CLPP: variants seen among roughly 807,000 people sequenced by gnomAD.
The protein encoded by CLPP is caseinolytic mitochondrial matrix peptidase proteolytic subunit.
A neutral mutation model predicts 27.4 loss-of-function variants in CLPP; 14 were observed. The observed-to-expected ratio is 0.51, with a 90% CI of 0.34 to 0.80. The LOEUF is 0.80. Ranked by LOEUF, CLPP falls within the 30% of genes least tolerant of loss-of-function variation. The pLI is 0.02. For missense variants in CLPP, 361 were observed against 403.6 expected (o/e 0.89, Z 0.90); for synonymous variants, 193 against 166.6 (o/e 1.16, Z -1.22).
chr19:6,362,026 C>A, intron 2 of CLPP, 86 bp downstream of exon 2: 1 of 1,299,296 alleles, frequency 7.7e-7, no homozygotes, highest in Non-Finnish European at 1.1e-6. Context: ...TGGCCCCAGA[C>A]TTTCCCTCAG....
At position 6,362,484 on chromosome 19, in the gene CLPP, C is replaced by T. The variant is rs1456437657; in HGVS notation, c.309C>T (p.Leu103=). 3 of 1,614,086 alleles carry T rather than the reference C, an allele frequency of 1.9e-6. No individual in the cohort carries two copies. Among genetic ancestry groups the T allele is most frequent in the Non-Finnish European group, 1.7e-6 (2 of 1,179,998 alleles). Residue 103 remains leucine (L), a synonymous_variant, in exon 3 of 6, where the codon CTC becomes CTT. Coordinates refer to ENST00000245816, the MANE Select transcript of CLPP (RefSeq NM_006012.4). ...DSVASLVIAQ[L]LFLQSESNKK... ...TTGCCAGCCTTGTTATCGCACAGCTCCTCTTCCTGCAATCCGAGAGCAACA... is the reference window on the plus strand; with the variant it reads ...TTGCCAGCCTTGTTATCGCACAGCTTCTCTTCCTGCAATCCGAGAGCAACA...
chr19:6,367,583 G>C (rs78494599), intron 5 of CLPP, among the ~76,000 whole-genome samples: 17,255 of 151,938 alleles, frequency 0.11, 1,339 homozygotes, highest in East Asian at 0.39. Flanking sequence ...GGCCCAAGTG[G>C]GGTTTCAGGG....
intron 5 of CLPP, 66 bp from the exon 6 acceptor site, chr19:6,368,472 G>A (rs1393114008): frequency 6.5e-7 from 1 of 1,550,318 alleles, no homozygotes. Context: ...GCCAAAACAG[G>A]ACCCAGACCT....
At position 6,369,140 on chromosome 19, in the gene CLPP, A is replaced by G. The variant is rs917575147; in HGVS notation, c.*430A>G. ...AGACAGTTACTAAAAAAAACAAAAC[A>G]GGCCAGGCGCGCTGGCTCACGCCTG... On this transcript the variant is annotated 3_prime_UTR_variant, in exon 6 of 6. Coordinates refer to ENST00000245816, the MANE Select transcript of CLPP (RefSeq NM_006012.4). Among the ~76,000 whole-genome samples the G allele has an allele frequency of 4.6e-5, 7 of 152,138 alleles. No individual in the cohort carries two copies. The highest frequency in any genetic ancestry group is 1.7e-4 in the African/African-American group (7 of 41,444).
intron 3 of CLPP, 103 bp from the exon 4 acceptor site, chr19:6,364,349 G>GA: frequency 9.3e-7 from 1 of 1,077,608 alleles, no homozygotes; most frequent in South Asian, 1.5e-5. Flanking sequence ...TTTAAAAAAG[G>GA]AGGGGGGCTG....
chr19:6,363,538 C>T (rs762353267), intron 3 of CLPP, among the ~76,000 whole-genome samples: 2 of 152,098 alleles, frequency 1.3e-5, no homozygotes, highest in Admixed American at 6.6e-5. Flanking sequence ...GCACCTGGGC[C>T]GTGTCACTTG....
At position 6,369,238 on chromosome 19, in the gene CLPP, T is replaced by C. The variant is rs973405158; in HGVS notation, c.*528T>C. On this transcript the variant is annotated 3_prime_UTR_variant, in exon 6 of 6. Transcript: ENST00000245816. ...GAGATCGAGAACATCCTGGCTAACATGGTGAAACCCCATTTCTACTAAAAA... is the reference window on the plus strand; with the variant it reads ...GAGATCGAGAACATCCTGGCTAACACGGTGAAACCCCATTTCTACTAAAAA... 3.3e-5 allele frequency among the ~76,000 whole-genome samples: 5 copies of C among 151,988 alleles called. No individual in the cohort carries two copies. The highest frequency in any genetic ancestry group is 5.9e-5 in the Non-Finnish European group (4 of 67,986).
Position 6,361,649 on chromosome 19 carries a change from C to T in CLPP, c.75C>T (p.Ala25=). 7.0e-7 allele frequency: 1 copy of T among 1,420,132 alleles called. No individual in the cohort carries two copies. Among genetic ancestry groups the T allele is most frequent in the Non-Finnish European group, 9.2e-7 (1 of 1,087,134 alleles). The allele number at this position is 1,420,132 out of a possible 1,614,324, so 88.0% of individuals were successfully genotyped here. Residue 25 remains alanine, a synonymous_variant, in exon 1 of 6, where the codon GCC becomes GCT. Transcript: ENST00000245816. ...ACCCCGCGCTGGGGCCTCGCCTCGC[C>T]GCTCACTTTCCAGCGCAGCGGCCGC... ...CRYPALGPRL[A]AHFPAQRPPQ... is the part of the protein sequence containing the mutation.
At position 6,369,248 on chromosome 19, in the gene CLPP, C is replaced by G. The variant is rs1033943607; in HGVS notation, c.*538C>G. 1.3e-4 allele frequency among the ~76,000 whole-genome samples: 20 copies of G among 152,056 alleles called. No homozygotes were observed. Among genetic ancestry groups the G allele is most frequent in the African/African-American group, 4.6e-4 (19 of 41,394 alleles). On this transcript the variant is annotated 3_prime_UTR_variant, in exon 6 of 6. Coordinates refer to ENST00000245816, the MANE Select transcript of CLPP (RefSeq NM_006012.4). ...ACATCCTGGCTAACATGGTGAAACC[C>G]CATTTCTACTAAAAATACAAAAATT... is the stretch of plus-strand genomic sequence containing the variant.
chr19:6,363,481 C>T (rs941789659), intron 3 of CLPP, among the ~76,000 whole-genome samples: 1 of 152,246 alleles, frequency 6.6e-6, no homozygotes, highest in East Asian at 1.9e-4. Context: ...ACTGGCACAT[C>T]TGGCAAGAGT....
At chr19:6,361,829 T>TGGGTGGGGATC in intron 1 of CLPP, 40 bp from the exon 2 acceptor site, 1 of 1,437,010 alleles carries the variant, frequency 7.0e-7, no homozygotes, top group Non-Finnish European at 9.0e-7. Flanking sequence ...GGGGATCGGC[T>TGGGTGGGGATC]GGCTGCCCCG....
intron 5 of CLPP, among the ~76,000 whole-genome samples, chr19:6,367,287 A>AT (rs1380089912): frequency 1.3e-5 from 2 of 151,058 alleles, no homozygotes; most frequent in Non-Finnish European, 2.9e-5. Flanking sequence ...AGGCATGAGA[A>AT]TCGCTTGAAC....
In CLPP at chr19:6,370,228, G is replaced by A. The variant is rs995773102; in HGVS notation, c.*1518G>A. On this transcript the variant is annotated 3_prime_UTR_variant, in exon 6 of 6. Transcript: ENST00000245816. Reference sequence around the variant, plus strand: ...AGGGTCAAGAGGTTGAAATAAAAACGTAGGTGTCATCGGCCGGGCGCGGTG... The same window carrying A: ...AGGGTCAAGAGGTTGAAATAAAAACATAGGTGTCATCGGCCGGGCGCGGTG... Among the ~76,000 whole-genome samples, 2 of 152,198 alleles carry A rather than the reference G, an allele frequency of 1.3e-5. No individual in the cohort carries two copies. Among genetic ancestry groups the A allele is most frequent in the African/African-American group, 4.8e-5 (2 of 41,454 alleles).
intron 3 of CLPP, among the ~76,000 whole-genome samples, chr19:6,362,777 G>T (rs1395308550): frequency 6.6e-6 from 1 of 152,126 alleles, no homozygotes; most frequent in Non-Finnish European, 1.5e-5. Context: ...AACCTGACCC[G>T]GCTGACATTT....
In CLPP at chr19:6,369,610, A is replaced by C. The variant is rs2091878836; in HGVS notation, c.*900A>C. Among the ~76,000 whole-genome samples the C allele has an allele frequency of 6.6e-6, 1 of 152,106 alleles. No individual in the cohort carries two copies. On this transcript the variant is annotated 3_prime_UTR_variant, in exon 6 of 6. Transcript: ENST00000245816. Reference sequence around the variant, plus strand: ...TGCAAAGGCCCTGTGACAGGACTGTACCTGGCATGTGAGGACCTATGAGGA... The same window carrying C: ...TGCAAAGGCCCTGTGACAGGACTGTCCCTGGCATGTGAGGACCTATGAGGA...
chr19:6,362,983 G>T (rs552558729), intron 3 of CLPP, among the ~76,000 whole-genome samples: 1 of 152,164 alleles, frequency 6.6e-6, no homozygotes, highest in South Asian at 2.1e-4. Context: ...CCAGCAACTC[G>T]GAAGGCTGAG....
intron 3 of CLPP, among the ~76,000 whole-genome samples, chr19:6,363,176 A>AG (rs1450449282): frequency 6.7e-6 from 1 of 148,328 alleles, no homozygotes; most frequent in Non-Finnish European, 1.5e-5. Context: ...CCCAGGCTGG[A>AG]GTGCAGTGTT....
rs753826383 is a variant in CLPP, at chr19:6,368,711, G to T, written c.*1G>T. ...AGAACCTGTCCCAGCTAGCACCTGA[G>T]AGCTGGGCCTCCTCTCCAGAATCAT... is the stretch of plus-strand genomic sequence containing the variant. On this transcript the variant is annotated 3_prime_UTR_variant, in exon 6 of 6. Coordinates refer to ENST00000245816, the MANE Select transcript of CLPP (RefSeq NM_006012.4). The T allele has an allele frequency of 7.1e-6, 11 of 1,549,856 alleles. No individual in the cohort carries two copies. The highest frequency in any genetic ancestry group is 9.6e-6 in the Non-Finnish European group (11 of 1,147,142).
intron 2 of CLPP, 167 bp downstream of exon 2, chr19:6,362,107 C>T: frequency 3.1e-6 from 2 of 638,500 alleles, no homozygotes; most frequent in Admixed American, 2.8e-5. Context: ...CCCCAACCCG[C>T]TCCTCACCCC....
Sources: gnomAD v4.1 joint callset for allele counts (sites outside exome capture counted in the v4.1 genomes callset) on GRCh38, gnomAD v4.1.1 for gene constraint, MANE v1.5 for transcripts, NCBI Gene and HGNC (gene_info 2026-07-23, HGNC 2026-07-21) for gene names.